The following OTOGL variants were observed in gnomAD, a reference collection of about 807,000 sequenced individuals.
The protein encoded by OTOGL is otogelin like.
A neutral mutation model predicts 318.5 loss-of-function variants in OTOGL; 285 were observed. The observed-to-expected ratio is 0.89, with a 90% CI of 0.81 to 0.99. The LOEUF is 0.99. OTOGL is among the 50% of genes least tolerant of loss of function. The pLI is 0.00. For synonymous variants in OTOGL, 987 were observed against 936.5 expected, an observed-to-expected ratio of 1.05 and a Z score of -0.99; for missense variants, 2,899 against 2,845.6, an observed-to-expected ratio of 1.02 and a Z score of -0.43.
At chr12:80,370,258 A>G (rs886089992) in intron 55 of OTOGL, among the ~76,000 whole-genome samples, 1 of 151,984 alleles carries the variant, frequency 6.6e-6, no homozygotes, top group African/African-American at 2.4e-5. Context: ...GTAGAAACAG[A>G]TACCTATTTG....
intron 22 of OTOGL, 33 bp from the exon 23 acceptor site, chr12:80,270,069 G>T (rs765439486): frequency 1.3e-5 from 20 of 1,481,658 alleles, no homozygotes; most frequent in Admixed American, 1.3e-4. Context: ...CAACAGATTT[G>T]GTTCCATAAA....
intron 29 of OTOGL, among the ~76,000 whole-genome samples, chr12:80,307,775 T>C (rs1886278146): frequency 7.3e-6 from 1 of 136,160 alleles, no homozygotes; most frequent in Non-Finnish European, 1.6e-5. Flanking sequence ...ACGGGGTGGC[T>C]GGCCGGGCAG....
At chr12:80,109,516 A>C (rs1268114812) in intron 1 of OTOGL, among the ~76,000 whole-genome samples, 1 of 152,156 alleles carries the variant, frequency 6.6e-6, no homozygotes, top group Admixed American at 6.5e-5. Flanking sequence ...TTGTTGATCC[A>C]TGTGATTTGT....
intron 40 of OTOGL, 66 bp downstream of exon 40, chr12:80,336,621 C>T: frequency 6.6e-7 from 1 of 1,509,376 alleles, no homozygotes; most frequent in South Asian, 1.2e-5. Context: ...ATTGCAACAT[C>T]AGGGATTCTC....
At chr12:80,338,581 T>C (rs952627240) in intron 42 of OTOGL, among the ~76,000 whole-genome samples, 2 of 152,058 alleles carry the variant, frequency 1.3e-5, no homozygotes, top group Admixed American at 1.3e-4. Context: ...AAAAATACAG[T>C]CTATAATCCA....
At chr12:80,264,641 T>C (rs549899823) in intron 19 of OTOGL, among the ~76,000 whole-genome samples, 2 of 152,242 alleles carry the variant, frequency 1.3e-5, no homozygotes, top group African/African-American at 4.8e-5. Flanking sequence ...TGGAACCACT[T>C]TGTTATATGT....
At chr12:80,163,618 G>A (rs1340502533) in intron 1 of OTOGL, among the ~76,000 whole-genome samples, 1 of 152,078 alleles carries the variant, frequency 6.6e-6, no homozygotes, top group African/African-American at 2.4e-5. Flanking sequence ...TCTCAGCTGG[G>A]CTCAGCTGGG....
At chr12:80,359,945 T>C (rs941085155) in intron 52 of OTOGL, among the ~76,000 whole-genome samples, 4 of 152,234 alleles carry the variant, frequency 2.6e-5, no homozygotes, top group Admixed American at 1.3e-4. Flanking sequence ...TCTAAGGGAA[T>C]AAATTATTGG....
chr12:80,328,939 G>A (rs1887887705), intron 36 of OTOGL, 112 bp from the exon 37 acceptor site: 2 of 1,106,172 alleles, frequency 1.8e-6, no homozygotes, highest in African/African-American at 1.6e-5. Flanking sequence ...CATCTCTCCT[G>A]CATTCTTTTT....
intron 1 of OTOGL, among the ~76,000 whole-genome samples, chr12:80,186,320 C>T (rs1355420332): frequency 6.6e-6 from 1 of 152,120 alleles, no homozygotes; most frequent in Non-Finnish European, 1.5e-5. Context: ...TCCATCTTTC[C>T]TACTTAGCCG....
At chr12:80,149,377 G>C (rs541234970) in intron 1 of OTOGL, among the ~76,000 whole-genome samples, 1 of 151,540 alleles carries the variant, frequency 6.6e-6, no homozygotes, top group East Asian at 1.9e-4. Context: ...GGGGTCGGGG[G>C]CCAGGGGTCA....
In OTOGL at chr12:80,368,281, T is replaced by C; in HGVS notation, c.6587T>C (p.Met2196Thr). The part of the protein sequence containing the change: ...TCKNVSCKFH[M>T]ENGTSVVYAV... ...AAAAATGTATCCTGCAAATTTCACA[T>C]GGAAAATGGAACATCAGTTGTATAC... Residue 2196 changes from methionine (M) to threonine (T), a missense_variant, in exon 55 of 59, where the codon ATG becomes ACG. Coordinates refer to ENST00000547103, the MANE Select transcript of OTOGL (RefSeq NM_001378609.3). The C allele has an allele frequency of 6.3e-7, 1 of 1,596,670 alleles. No individual in the cohort carries two copies. The highest frequency in any genetic ancestry group is 8.6e-7 in the Non-Finnish European group (1 of 1,169,406).
chr12:80,148,111 G>T (rs540481983), intron 1 of OTOGL, among the ~76,000 whole-genome samples: 2 of 151,588 alleles, frequency 1.3e-5, no homozygotes, highest in Non-Finnish European at 2.9e-5. Flanking sequence ...GTTAGCTGGT[G>T]ATTTTGCTCG....
chr12:80,176,623 C>T (rs1243824335), intron 1 of OTOGL, among the ~76,000 whole-genome samples: 2 of 151,970 alleles, frequency 1.3e-5, no homozygotes, highest in African/African-American at 4.8e-5. Context: ...GGATATACTT[C>T]AATTTGTTGA....
chr12:80,209,900 T>C (rs1172924627), intron 2 of OTOGL, among the ~76,000 whole-genome samples: 1 of 152,148 alleles, frequency 6.6e-6, no homozygotes, highest in Non-Finnish European at 1.5e-5. Context: ...TAATTGTCTA[T>C]TTGCAATTTA....
At chr12:80,345,897 C>T (rs952548071) in intron 44 of OTOGL, among the ~76,000 whole-genome samples, 5 of 152,124 alleles carry the variant, frequency 3.3e-5, no homozygotes, top group Admixed American at 6.5e-5. Flanking sequence ...TAGCTGCATT[C>T]TGGTCATGAT....
At chr12:80,307,440 AC>A (rs546362060) in intron 29 of OTOGL, among the ~76,000 whole-genome samples, 111 of 131,198 alleles carry the variant, frequency 8.5e-4, no homozygotes, top group African/African-American at 3.0e-3. Context: ...CGGGGGGCTG[AC>A]CCCCCCCACC....
At position 80,310,581 on chromosome 12, in the gene OTOGL, C is replaced by T; in HGVS notation, c.3334-30C>T. Reference sequence around the variant, plus strand: ...GTTTGAGAAATTGTCCCTTTGAAAACTTCTTTTCTCTCTTAAATTTTTTCA... The same window carrying T: ...GTTTGAGAAATTGTCCCTTTGAAAATTTCTTTTCTCTCTTAAATTTTTTCA... On this transcript the variant is annotated intron_variant, in intron 29 of 58. Transcript: ENST00000547103. 3 of 1,482,356 alleles carry T rather than the reference C, an allele frequency of 2.0e-6. No homozygotes were observed. In the South Asian group the frequency reaches 3.5e-5, roughly 17 times the overall value. 91.8% of individuals were successfully genotyped at this position (1,482,356 alleles called of 1,614,324 possible).
intron 26 of OTOGL, among the ~76,000 whole-genome samples, chr12:80,293,512 T>C (rs1885182025): frequency 6.6e-6 from 1 of 152,236 alleles, no homozygotes; most frequent in African/African-American, 2.4e-5. Context: ...ATGGATGACC[T>C]GATGTCATTC....
Sources: allele counts gnomAD v4.1 joint callset (sites outside exome capture counted in the v4.1 genomes callset), GRCh38; gene constraint gnomAD v4.1.1; transcripts MANE v1.5; gene names NCBI Gene and HGNC (gene_info 2026-07-23, HGNC 2026-07-21).